Variants in CUX1 observed in about 807,000 individuals in gnomAD.
CUX1 encodes cut like homeobox 1.
CUX1 carries 31 observed loss-of-function variants against 158.8 expected under a neutral mutation model. The ratio of observed to expected loss-of-function variants is 0.20; its 90% CI spans 0.15 to 0.26. The LOEUF (loss-of-function observed/expected upper bound fraction) is 0.26. Among genes scored for constraint, CUX1 ranks in the 10% least tolerant of loss-of-function variants. CUX1 has a pLI of 1.00. For missense variants in CUX1, 1,589 were observed against 2,014.6 expected (o/e 0.79, Z 4.04); for synonymous variants, 879 against 862.1 (o/e 1.02, Z -0.34).
chr7:102,082,187 C>G (rs1314483094), intron 4 of CUX1, among the ~76,000 whole-genome samples: 1 of 147,014 alleles, frequency 6.8e-6, no homozygotes, highest in African/African-American at 2.4e-5. Flanking sequence ...GGGTCTACGT[C>G]AGTGGTCTCC....
At chr7:102,131,238 A>G (rs1028038873) in intron 8 of CUX1, among the ~76,000 whole-genome samples, 6 of 152,162 alleles carry the variant, frequency 3.9e-5, no homozygotes, top group African/African-American at 9.7e-5. Context: ...TTTCCAATGG[A>G]AAAAGGACCA....
intron 1 of CUX1, among the ~76,000 whole-genome samples, chr7:101,881,225 T>TG (rs1799673081): frequency 6.6e-6 from 1 of 152,244 alleles, no homozygotes; most frequent in African/African-American, 2.4e-5. Flanking sequence ...AATGCCTGAA[T>TG]GATCTTAATA....
intron 2 of CUX1, among the ~76,000 whole-genome samples, chr7:102,024,261 C>G (rs1819731884): frequency 6.6e-6 from 1 of 152,248 alleles, no homozygotes; most frequent in African/African-American, 2.4e-5. Flanking sequence ...GCCACACCAG[C>G]TTTCTCATTC....
intron 2 of CUX1, among the ~76,000 whole-genome samples, chr7:101,947,566 A>G (rs1490320965): frequency 6.6e-6 from 1 of 152,158 alleles, no homozygotes; most frequent in Non-Finnish European, 1.5e-5. Context: ...CAACTTAGAC[A>G]TGGGGATGAA....
chr7:102,283,362 C>T, exon 23 of CUX1: 2 of 497,554 alleles, frequency 4.0e-6, no homozygotes, highest in Non-Finnish European at 7.4e-6. Context: ...TAGGGCTCTG[C>T]CCGCAGCCTG....
intron 21 of CUX1, among the ~76,000 whole-genome samples, chr7:102,228,554 G>A (rs1396593017): frequency 2.0e-4 from 30 of 152,000 alleles, no homozygotes; most frequent in African/African-American, 7.3e-4. Flanking sequence ...CAGCACATTG[G>A]GAGGCCACAG....
intron 9 of CUX1, among the ~76,000 whole-genome samples, chr7:102,160,177 T>TAA (rs35453197): frequency 1.0e-4 from 14 of 136,878 alleles, no homozygotes; most frequent in African/African-American, 2.6e-4. Flanking sequence ...AGAATCTGTC[T>TAA]AAAAAAAAAA....
At chr7:101,914,250 G>A (rs767594140) in intron 1 of CUX1, among the ~76,000 whole-genome samples, 1 of 152,036 alleles carries the variant, frequency 6.6e-6, no homozygotes, top group Non-Finnish European at 1.5e-5. Context: ...AGTGTGGTGT[G>A]GTGGTATCTT....
At chr7:102,161,821 T>C (rs1240167030) in intron 9 of CUX1, among the ~76,000 whole-genome samples, 3 of 152,128 alleles carry the variant, frequency 2.0e-5, no homozygotes, top group Non-Finnish European at 4.4e-5. Context: ...TTGGCCAGGC[T>C]GGTCTCGAAC....
chr7:102,026,999 A>G (rs1426182325), intron 2 of CUX1, among the ~76,000 whole-genome samples: 1 of 152,124 alleles, frequency 6.6e-6, no homozygotes, highest in Non-Finnish European at 1.5e-5. Context: ...GGTGTTTCGA[A>G]ATGGGCACTG....
chr7:102,115,177 T>A (rs782631033), intron 7 of CUX1, 30 bp from the exon 8 acceptor site: 1 of 1,593,988 alleles, frequency 6.3e-7, no homozygotes, highest in Non-Finnish European at 8.6e-7. Context: ...AAAATTTCAT[T>A]TAAATAGTTA....
intron 13 of CUX1, among the ~76,000 whole-genome samples, chr7:102,194,362 G>C (rs899396065): frequency 7.2e-5 from 11 of 152,006 alleles, no homozygotes; most frequent in African/African-American, 2.7e-4. Flanking sequence ...ACTTTGGGAG[G>C]CCAAGACAGG....
At chr7:101,958,136 C>T (rs917363478) in intron 2 of CUX1, among the ~76,000 whole-genome samples, 5 of 152,174 alleles carry the variant, frequency 3.3e-5, no homozygotes, top group African/African-American at 1.2e-4. Flanking sequence ...TGCCAGACTC[C>T]GTGTGAAGTG....
rs1013297935 is a variant in CUX1 at position 101,991,351 on chromosome 7, A to G, written c.142-36747A>G. Reference sequence around the variant, plus strand: ...GGGCGCGTAGCAGATGTGTGTGTGTATCTTTATGGGATTCAAGTCATGTCT... The same window carrying G: ...GGGCGCGTAGCAGATGTGTGTGTGTGTCTTTATGGGATTCAAGTCATGTCT... On this transcript the variant is annotated intron_variant, in intron 2 of 23. Coordinates refer to ENST00000292535, the MANE Select transcript of CUX1 (RefSeq NM_181552.4). 3.9e-5 allele frequency among the ~76,000 whole-genome samples: 6 copies of G among 152,354 alleles called. No individual in the cohort carries two copies. The East Asian group carries it at 1.2e-3, about 29-fold the overall frequency.
At chr7:101,977,188 C>G (rs1265410134) in intron 2 of CUX1, among the ~76,000 whole-genome samples, 1 of 152,128 alleles carries the variant, frequency 6.6e-6, no homozygotes, top group African/African-American at 2.4e-5. Flanking sequence ...GCTAGGATTA[C>G]AGGCGTGAGC....
Position 102,234,070 on chromosome 7 carries a change from A to G in CUX1, c.3452A>G (p.Glu1151Gly). 1 of 1,542,774 alleles carries G rather than the reference A, an allele frequency of 6.5e-7. No individual in the cohort carries two copies. Among genetic ancestry groups the G allele is most frequent in the Non-Finnish European group, 8.7e-7 (1 of 1,148,142 alleles). ...DNNLGQRLFG[E>G]TILGLTQGSV... ...TCTCTAGGCCAGCGCTTATTTGGGG[A>G]GACCATCTTAGGGCTCACCCAAGGC... is the stretch of plus-strand genomic sequence containing the variant. The change falls in exon 22 of 24, where the codon GAG (glutamate) becomes GGG (glycine). Residue 1151 changes from glutamate to glycine, a missense_variant. By Grantham distance (98) the Glu-to-Gly change is moderately conservative (BLOSUM62 -2). Coordinates refer to ENST00000292535, the MANE Select transcript of CUX1 (RefSeq NM_181552.4).
At chr7:102,164,697 C>T (rs917159096) in intron 9 of CUX1, among the ~76,000 whole-genome samples, 5 of 152,192 alleles carry the variant, frequency 3.3e-5, no homozygotes, top group Admixed American at 2.0e-4. Flanking sequence ...CTCCTTCCTG[C>T]AGAGTCAGTG....
intron 2 of CUX1, among the ~76,000 whole-genome samples, chr7:101,917,520 G>A (rs1320821202): frequency 2.6e-5 from 4 of 152,088 alleles, no homozygotes; most frequent in African/African-American, 4.8e-5. Context: ...GTGCTTGGGG[G>A]TTTCTGCCTT....
intron 1 of CUX1, among the ~76,000 whole-genome samples, chr7:101,888,121 G>A (rs1157160359): frequency 1.3e-5 from 2 of 152,092 alleles, no homozygotes; most frequent in Non-Finnish European, 2.9e-5. Flanking sequence ...ATCACCTGAG[G>A]TCAGAAGTTC....
Sources: allele counts gnomAD v4.1 joint callset (sites outside exome capture counted in the v4.1 genomes callset), GRCh38; gene constraint gnomAD v4.1.1; transcripts MANE v1.5; gene names NCBI Gene and HGNC (gene_info 2026-07-23, HGNC 2026-07-21).